Variants in SYNE1 observed in about 807,000 individuals in gnomAD.
SYNE1 encodes spectrin repeat containing nuclear envelope protein 1, also known as nesprin-1.
A neutral mutation model predicts 1,111.0 loss-of-function variants in SYNE1; 616 were observed. The observed-to-expected ratio is 0.55, with a 90% confidence interval of 0.52 to 0.59. SYNE1 has a LOEUF of 0.59. Ranked by LOEUF, SYNE1 falls within the 20% of genes least tolerant of loss-of-function variation. SYNE1 has a pLI of 0.00. For missense variants in SYNE1, 10,006 were observed against 10,417.0 expected, an observed-to-expected ratio of 0.96 and a Z score of 1.72; for synonymous variants, 3,855 against 3,825.8, an observed-to-expected ratio of 1.01 and a Z score of -0.28.
Position 152,427,797 on chromosome 6 carries a change from A to T in SYNE1, c.4996T>A (p.Ser1666Thr), listed in dbSNP as rs1445596915. 1 of 1,614,114 alleles carries T rather than the reference A, an allele frequency of 6.2e-7. No individual in the cohort carries two copies. Among genetic ancestry groups the T allele is most frequent in the Admixed American group, 1.7e-5 (1 of 60,020 alleles). ...HWQRLEKELS[S>T]FLTWLERGEA... Reference sequence around the variant, plus strand: ...CCCCGCTCTAACCAGGTCAAAAAGGATGATAGTTCTTTCTCTAGCCTAAAG... The same window carrying T: ...CCCCGCTCTAACCAGGTCAAAAAGGTTGATAGTTCTTTCTCTAGCCTAAAG... The change falls in exon 38 of 146, where the codon TCC becomes ACC. Residue 1666 changes from serine (S) to threonine (T), a missense_variant. Physicochemically the swap from Ser to Thr is moderately conservative, Grantham distance 58 (BLOSUM62 1). Coordinates refer to ENST00000367255, the MANE Select transcript of SYNE1 (RefSeq NM_182961.4).
chr6:152,514,444 C>T, intron 6 of SYNE1, among the ~76,000 whole-genome samples: 1 of 151,950 alleles, frequency 6.6e-6, no homozygotes, highest in Non-Finnish European at 1.5e-5. Flanking sequence ...CATATGGACA[C>T]AGGGAGGGGA....
chr6:152,279,287 T>C (rs527568524), intron 97 of SYNE1, among the ~76,000 whole-genome samples: 8 of 150,468 alleles, frequency 5.3e-5, no homozygotes, highest in African/African-American at 1.9e-4. Context: ...CAAAAAAAAG[T>C]TTTACTTTCC....
intron 101 of SYNE1, among the ~76,000 whole-genome samples, chr6:152,257,221 A>G (rs1167855223): frequency 6.6e-6 from 1 of 152,184 alleles, no homozygotes; most frequent in African/African-American, 2.4e-5. Flanking sequence ...AGAAATATGT[A>G]CAAATATTAT....
Position 152,381,031 on chromosome 6 carries a change from A to C in SYNE1, c.8984T>G (p.Ile2995Arg). 1.2e-6 allele frequency: 2 copies of C among 1,614,138 alleles called. No individual in the cohort carries two copies. The highest frequency in any genetic ancestry group is 2.2e-5 in the East Asian group (1 of 44,878). Residue 2995 changes from isoleucine (I) to arginine (R), a missense_variant, in exon 56 of 146, where the codon ATA becomes AGA. Physicochemically the swap from Ile to Arg is moderately conservative, Grantham distance 97. Around this residue, in one of 7 missense-constraint regions of SYNE1, gnomAD observed 4,955 missense variants for 5,017.2 expected, o/e 0.99. Transcript: ENST00000367255. ...LLEGKNTDEEIVECWHKGQEI... is the reference protein window; with the variant it reads ...LLEGKNTDEERVECWHKGQEI... ...TTGTCCTTTGTGCCAGCATTCCACT[A>C]TCTCCTCATCCGTGTTCTTGCCTTC...
intron 81 of SYNE1, among the ~76,000 whole-genome samples, chr6:152,324,165 G>A (rs1003083465): frequency 2.0e-5 from 3 of 151,814 alleles, no homozygotes; most frequent in Non-Finnish European, 2.9e-5. Context: ...TTCGGAGGCC[G>A]AGACAGGCAG....
chr6:152,596,212 G>A (rs892497175), intron 3 of SYNE1, among the ~76,000 whole-genome samples: 1 of 148,042 alleles, frequency 6.8e-6, no homozygotes, highest in Non-Finnish European at 1.5e-5. Context: ...ACATTATGAG[G>A]TATTTTTTGA....
Position 152,465,404 on chromosome 6 carries a change from T to C in SYNE1, c.1786A>G (p.Asn596Asp). The C allele has an allele frequency of 6.2e-7, 1 of 1,613,800 alleles. No homozygotes were observed. The highest frequency in any genetic ancestry group is 8.5e-7 in the Non-Finnish European group (1 of 1,179,832). ...FMNETTAQWRNLSVEVRSVRS... is the reference protein window; with the variant it reads ...FMNETTAQWRDLSVEVRSVRS... ...ACACTCCTCACTTCTACTGAGAGAT[T>C]CCTCCACTGAGCGGTGGTTTCATTC... is the stretch of plus-strand genomic sequence containing the variant. Residue 596 changes from asparagine to aspartate, a missense_variant, in exon 18 of 146, where the codon AAT becomes GAT. Physicochemically the swap from Asn to Asp is conservative, Grantham distance 23. Transcript: ENST00000367255.
intron 88 of SYNE1, 81 bp from the exon 89 acceptor site, chr6:152,310,599 C>T: frequency 1.9e-6 from 3 of 1,610,848 alleles, no homozygotes; most frequent in Non-Finnish European, 2.5e-6. Flanking sequence ...GAAACCACAT[C>T]ACAGGTGAGC....
At chr6:152,437,573 T>C (rs1173131356) in intron 32 of SYNE1, among the ~76,000 whole-genome samples, 1 of 152,176 alleles carries the variant, frequency 6.6e-6, no homozygotes, top group African/African-American at 2.4e-5. Context: ...TATTTTCAAC[T>C]ATTTTAATTG....
chr6:152,447,674 C>T (rs748173433), intron 28 of SYNE1, 52 bp from the exon 29 acceptor site: 12 of 1,610,278 alleles, frequency 7.5e-6, no homozygotes, highest in Admixed American at 5.0e-5. Context: ...GAAATCATAA[C>T]TTTCCAGCAA....
chr6:152,632,494 G>A (rs796419427), intron 2 of SYNE1, among the ~76,000 whole-genome samples: 3 of 152,110 alleles, frequency 2.0e-5, no homozygotes, highest in African/African-American at 7.2e-5. Context: ...GTAATAAAAG[G>A]AGACTGGGAA....
intron 3 of SYNE1, among the ~76,000 whole-genome samples, chr6:152,619,855 G>C (rs1448313977): frequency 2.0e-5 from 3 of 152,052 alleles, no homozygotes; most frequent in Non-Finnish European, 4.4e-5. Flanking sequence ...TGAAAGAAGA[G>C]ACGTCTTACT....
rs1047513657 is a variant in SYNE1 at position 152,344,283 on chromosome 6, A to G, written c.12079-56T>C. 3 of 1,610,856 alleles carry G rather than the reference A, an allele frequency of 1.9e-6. No individual in the cohort carries two copies. In the African/African-American group the frequency reaches 4.0e-5, roughly 22 times the overall value. ...AGAACTGCTTTCTACCTCTATAAAG[A>G]TCATTCAAATTCAATGAAACATGAC... is the stretch of plus-strand genomic sequence containing the variant. On this transcript the variant is annotated intron_variant, in intron 73 of 145. Coordinates refer to ENST00000367255, the MANE Select transcript of SYNE1 (RefSeq NM_182961.4).
chr6:152,585,225 TC>T (rs1333539098), intron 3 of SYNE1, among the ~76,000 whole-genome samples: 15 of 152,318 alleles, frequency 9.8e-5, no homozygotes, highest in African/African-American at 3.4e-4. Flanking sequence ...TCCTGAGGCC[TC>T]CCCAACCATG....
At position 152,609,255 on chromosome 6, in the gene SYNE1, G is replaced by A. The variant is rs376500015; in HGVS notation, c.67+19010C>T. Among the ~76,000 whole-genome samples the A allele has an allele frequency of 2.5e-4, 38 of 152,148 alleles. No individual in the cohort carries two copies. The South Asian group carries it at 7.5e-3, about 30-fold the overall frequency. On this transcript the variant is annotated intron_variant, in intron 3 of 145. Coordinates refer to ENST00000367255, the MANE Select transcript of SYNE1 (RefSeq NM_182961.4). The stretch of plus-strand genomic sequence containing the variant: ...TGATAGACTGTACCTGGAAAAACAG[G>A]ACACTCTCGCCCAAATACTGCACTT...
Position 152,136,869 on chromosome 6 carries a change from T to G in SYNE1, c.25459-51A>C, listed in dbSNP as rs754440827. ...AACAAGGACAATAATGACAAAGATA[T>G]TTTCCCTTGAAAATGTTTCACATGA... is the stretch of plus-strand genomic sequence containing the variant. On this transcript the variant is annotated intron_variant, in intron 140 of 145. Coordinates refer to ENST00000367255, the MANE Select transcript of SYNE1 (RefSeq NM_182961.4). 6 of 1,591,398 alleles carry G rather than the reference T, an allele frequency of 3.8e-6. No individual in the cohort carries two copies. The South Asian group carries it at 6.6e-5, about 18-fold the overall frequency.
intron 93 of SYNE1, among the ~76,000 whole-genome samples, chr6:152,297,700 C>G (rs545138838): frequency 6.6e-6 from 1 of 152,094 alleles, no homozygotes; most frequent in East Asian, 1.9e-4. Flanking sequence ...ATTAGATACT[C>G]TATTATAAAT....
At chr6:152,268,007 A>G in intron 100 of SYNE1, 49 bp downstream of exon 100, 2 of 1,497,932 alleles carry the variant, frequency 1.3e-6, no homozygotes, top group Non-Finnish European at 1.9e-6. Context: ...TTTTCTTCAA[A>G]TGTCAGGGAA....
intron 41 of SYNE1, among the ~76,000 whole-genome samples, chr6:152,415,867 G>C (rs1329443008): frequency 6.8e-6 from 1 of 147,766 alleles, no homozygotes; most frequent in Non-Finnish European, 1.5e-5. Flanking sequence ...AAAAGTATCT[G>C]AGACAGGTCT....
Sources: allele counts gnomAD v4.1 joint callset (sites outside exome capture counted in the v4.1 genomes callset), GRCh38; gene constraint gnomAD v4.1.1; regional missense constraint gnomAD v4.1.1; transcripts MANE v1.5; gene names NCBI Gene and HGNC (gene_info 2026-07-23, HGNC 2026-07-21).